GPR15LG: variants seen among roughly 807,000 people sequenced by gnomAD.
The protein encoded by GPR15LG is G protein-coupled receptor 15 ligand, also known as protein GPR15LG.
the GPR15LG span, among the ~76,000 whole-genome samples, chr10:84,180,221 C>G: frequency 2.1e-4 from 32 of 152,372 alleles, no homozygotes; most frequent in Admixed American, 5.2e-4. Context: ...TAACAGCATC[C>G]CAAGGCAGAA....
chr10:84,185,010 G>A, the GPR15LG span: 1 of 1,353,060 alleles, frequency 7.4e-7, no homozygotes, highest in Non-Finnish European at 9.5e-7. Context: ...GCCACCATGT[G>A]GGCCTCTCCA....
At chr10:84,181,000 C>A in the GPR15LG span, among the ~76,000 whole-genome samples, 2 of 152,180 alleles carry the variant, frequency 1.3e-5, no homozygotes, top group Non-Finnish European at 2.9e-5. Context: ...GCAGGAGAAT[C>A]AGGCAGGGAG....
the GPR15LG span, among the ~76,000 whole-genome samples, chr10:84,178,312 G>A: frequency 1.3e-5 from 2 of 150,336 alleles, no homozygotes; most frequent in East Asian, 2.0e-4. Flanking sequence ...CACACTACAT[G>A]CACATACACA....
the GPR15LG span, among the ~76,000 whole-genome samples, chr10:84,183,358 T>TACCAC: frequency 3.3e-5 from 5 of 152,200 alleles, no homozygotes; most frequent in African/African-American, 1.2e-4. Flanking sequence ...TGATCTTAAT[T>TACCAC]ACCACACCAC....
the GPR15LG span, among the ~76,000 whole-genome samples, chr10:84,180,680 G>A: frequency 2.1e-4 from 32 of 152,330 alleles, no homozygotes; most frequent in African/African-American, 7.0e-4. Flanking sequence ...CTTCCTAGAC[G>A]GGGTGGCGGC....
At chr10:84,178,077 AC>A in the GPR15LG span, among the ~76,000 whole-genome samples, 1 of 151,942 alleles carries the variant, frequency 6.6e-6, no homozygotes. Flanking sequence ...ACAGACACAT[AC>A]ACGCTACACA....
chr10:84,179,771 A>C, the GPR15LG span, among the ~76,000 whole-genome samples: 1 of 152,158 alleles, frequency 6.6e-6, no homozygotes, highest in Non-Finnish European at 1.5e-5. Context: ...CAATATGTGG[A>C]AGGCCCAGGA....
the GPR15LG span, chr10:84,173,906 A>G: frequency 6.2e-7 from 1 of 1,613,184 alleles, no homozygotes; most frequent in South Asian, 1.1e-5. Flanking sequence ...CTGCTTCTCC[A>G]TCTTCTCCAC....
the GPR15LG span, among the ~76,000 whole-genome samples, chr10:84,176,295 C>T: frequency 7.1e-4 from 107 of 151,712 alleles, no homozygotes; most frequent in African/African-American, 2.5e-3. Flanking sequence ...CATGTGTCTC[C>T]CAACATTGTT....
chr10:84,179,111 T>C, the GPR15LG span, among the ~76,000 whole-genome samples: 1 of 152,136 alleles, frequency 6.6e-6, no homozygotes. Context: ...CAGAAGGAAA[T>C]AGCCATCTGG....
the GPR15LG span, among the ~76,000 whole-genome samples, chr10:84,177,477 C>G: frequency 2.7e-4 from 41 of 152,358 alleles, no homozygotes; most frequent in Non-Finnish European, 5.3e-4. Flanking sequence ...GTCCCGGCCC[C>G]ACTTGCTCCT....
the GPR15LG span, among the ~76,000 whole-genome samples, chr10:84,174,280 G>A: frequency 6.6e-6 from 1 of 152,120 alleles, no homozygotes; most frequent in African/African-American, 2.4e-5. Flanking sequence ...TTGGAACAGA[G>A]TAAATTAGTG....
the GPR15LG span, among the ~76,000 whole-genome samples, chr10:84,179,681 TACTG>T: frequency 6.6e-6 from 1 of 152,198 alleles, no homozygotes; most frequent in African/African-American, 2.4e-5. Flanking sequence ...ACTTGCTGAA[TACTG>T]ACTACTCCTC....
chr10:84,182,969 T>G, the GPR15LG span, among the ~76,000 whole-genome samples: 1 of 152,102 alleles, frequency 6.6e-6, no homozygotes, highest in East Asian at 1.9e-4. Context: ...AAAGAGTAAG[T>G]TACGCTATAT....
At chr10:84,173,998 G>T in the GPR15LG span, 1 of 1,189,736 alleles carries the variant, frequency 8.4e-7, no homozygotes, top group South Asian at 1.2e-5. Flanking sequence ...ATTTGTTGGA[G>T]GGCAGGCCTT....
the GPR15LG span, among the ~76,000 whole-genome samples, chr10:84,181,151 G>GAGAGGC: frequency 1.2e-5 from 1 of 80,034 alleles, no homozygotes; most frequent in South Asian, 3.2e-4. Context: ...GAGGGAGAGG[G>GAGAGGC]CTGGGCTCAG....
the GPR15LG span, chr10:84,173,853 T>C: frequency 6.2e-7 from 1 of 1,612,336 alleles, no homozygotes; most frequent in South Asian, 1.1e-5. Flanking sequence ...CTTCTCACCA[T>C]GAGGCTTCTA....
At chr10:84,175,448 A>C in the GPR15LG span, among the ~76,000 whole-genome samples, 5 of 152,244 alleles carry the variant, frequency 3.3e-5, no homozygotes, top group African/African-American at 9.6e-5. Context: ...ATAACTTGCT[A>C]CAAGTGAACG....
At chr10:84,174,050 T>C in the GPR15LG span, 1 of 731,880 alleles carries the variant, frequency 1.4e-6, no homozygotes, top group Non-Finnish European at 2.4e-6. Flanking sequence ...CCCGGAAAGA[T>C]GGGCTCTTTC....
Sources: allele counts gnomAD v4.1 joint callset (sites outside exome capture counted in the v4.1 genomes callset), GRCh38; gene constraint gnomAD v4.1.1; transcripts MANE v1.5; gene names NCBI Gene and HGNC (gene_info 2026-07-23, HGNC 2026-07-21).